Variants in GRIK3 observed in about 807,000 individuals in gnomAD.
GRIK3 encodes glutamate ionotropic receptor kainate type subunit 3.
GRIK3 carries 29 observed loss-of-function variants against 102.5 expected under a neutral mutation model. The observed-to-expected ratio is 0.28, with a 90% CI of 0.21 to 0.39. GRIK3 has a LOEUF of 0.39. Ranked by LOEUF, GRIK3 falls within the 10% of genes least tolerant of loss-of-function variation. The pLI, the probability that GRIK3 is intolerant of heterozygous loss-of-function variation, is 1.00. For missense variants in GRIK3, 908 were observed against 1,252.4 expected (o/e 0.73, Z 4.15); for synonymous variants, 511 against 504.9 (o/e 1.01, Z -0.16).
chr1:36,961,341 T>C (rs1213868446), intron 1 of GRIK3, among the ~76,000 whole-genome samples: 1 of 152,124 alleles, frequency 6.6e-6, no homozygotes. Context: ...AAGTCTGAAA[T>C]AGCCCACCAC....
At chr1:36,981,592 C>A (rs1423025073) in intron 1 of GRIK3, among the ~76,000 whole-genome samples, 1 of 151,394 alleles carries the variant, frequency 6.6e-6, no homozygotes, top group Non-Finnish European at 1.5e-5. Context: ...CTGTAAGTGA[C>A]AAACTAGGGA....
At chr1:36,911,336 C>G (rs1183135225) in intron 1 of GRIK3, among the ~76,000 whole-genome samples, 1 of 152,172 alleles carries the variant, frequency 6.6e-6, no homozygotes, top group Non-Finnish European at 1.5e-5. Flanking sequence ...AGTCCCTTTA[C>G]TGCTCTGTGT....
intron 1 of GRIK3, among the ~76,000 whole-genome samples, chr1:37,026,900 T>C (rs1351882529): frequency 6.6e-6 from 1 of 151,134 alleles, no homozygotes; most frequent in South Asian, 2.1e-4. Context: ...GATATGAAAA[T>C]GTGAAAAAAA....
At chr1:36,816,574 G>A (rs1642633937) in intron 13 of GRIK3, among the ~76,000 whole-genome samples, 1 of 152,226 alleles carries the variant, frequency 6.6e-6, no homozygotes, top group Admixed American at 6.5e-5. Flanking sequence ...AGTGTAACAT[G>A]CTCAGTAATG....
chr1:36,897,736 T>C (rs1385434046), intron 1 of GRIK3, among the ~76,000 whole-genome samples: 1 of 152,016 alleles, frequency 6.6e-6, no homozygotes, highest in African/African-American at 2.4e-5. Context: ...AGTTTGGAGG[T>C]TCCTCAAAAA....
In GRIK3 at chr1:36,880,650, G is replaced by A. The variant is rs780128090; in HGVS notation, c.534C>T (p.Val178=). The A allele has an allele frequency of 3.7e-6, 6 of 1,614,010 alleles. No individual in the cohort carries two copies. Among genetic ancestry groups the A allele is most frequent in the Non-Finnish European group, 5.1e-6 (6 of 1,180,000 alleles). ...QYLKWRSATV[V]YDDSTGLIRL... The stretch of plus-strand genomic sequence containing the variant: ...GCCACCCACCTGTACTGTCGTCATA[G>A]ACCACGGTGGCTGACCGCCACTTGA... The change falls in exon 3 of 16, where the codon GTC becomes GTT. Residue 178 remains valine, a synonymous_variant. Transcript: ENST00000373091. The surrounding 1 kb of genome is among the most constrained non-coding windows in gnomAD (Gnocchi z 5.4).
At chr1:36,962,577 G>C (rs1207521915) in intron 1 of GRIK3, among the ~76,000 whole-genome samples, 1 of 151,738 alleles carries the variant, frequency 6.6e-6, no homozygotes. Flanking sequence ...TGGGGCCTGA[G>C]GCGAGCAAGC....
intron 1 of GRIK3, among the ~76,000 whole-genome samples, chr1:37,017,115 C>A (rs1029855796): frequency 4.6e-5 from 7 of 151,276 alleles, no homozygotes; most frequent in Non-Finnish European, 1.0e-4. Flanking sequence ...CTTGGGACAG[C>A]TGAGGGGGGA....
chr1:37,020,668 C>T (rs1188941328), intron 1 of GRIK3, among the ~76,000 whole-genome samples: 1 of 152,118 alleles, frequency 6.6e-6, no homozygotes, highest in East Asian at 1.9e-4. Context: ...CATCTATTAC[C>T]TTGATTTTCT....
intron 1 of GRIK3, among the ~76,000 whole-genome samples, chr1:37,013,183 C>T (rs184900068): frequency 3.7e-4 from 57 of 152,232 alleles, no homozygotes; most frequent in African/African-American, 1.3e-3. Flanking sequence ...TCTCGTGAGA[C>T]GTATTTACTA....
chr1:36,958,640 G>GCC (rs1641957155), intron 1 of GRIK3, among the ~76,000 whole-genome samples: 1 of 91,498 alleles, frequency 1.1e-5, no homozygotes, highest in Non-Finnish European at 2.5e-5. Flanking sequence ...CCCTGTGACT[G>GCC]TGTGCCCAAT....
chr1:36,853,786 G>A (rs754875118), intron 7 of GRIK3, 64 bp from the exon 8 acceptor site: 43 of 875,492 alleles, frequency 4.9e-5, no homozygotes, highest in Non-Finnish European at 8.3e-5. Flanking sequence ...CGGTACAACT[G>A]TACAATGCTT....
At chr1:36,948,743 A>C (rs897816467) in intron 1 of GRIK3, among the ~76,000 whole-genome samples, 1 of 152,172 alleles carries the variant, frequency 6.6e-6, no homozygotes, top group Admixed American at 6.5e-5. Flanking sequence ...GCCTTCCAAC[A>C]GCTTGTCAAT....
intron 1 of GRIK3, among the ~76,000 whole-genome samples, chr1:36,961,465 C>T (rs150399879): frequency 6.6e-6 from 1 of 152,308 alleles, no homozygotes; most frequent in East Asian, 1.9e-4. Flanking sequence ...GGGGCAGAGA[C>T]AAAGAAAGCA....
At chr1:36,843,956 G>A (rs1640490786) in intron 9 of GRIK3, among the ~76,000 whole-genome samples, 1 of 152,220 alleles carries the variant, frequency 6.6e-6, no homozygotes, top group Admixed American at 6.5e-5. Flanking sequence ...GACCTCATGA[G>A]CCCCAGGGTG....
At chr1:36,957,892 GTGTGCCCTGTGAGTC>G (rs1470724125) in intron 1 of GRIK3, among the ~76,000 whole-genome samples, 2 of 78,230 alleles carry the variant, frequency 2.6e-5, no homozygotes, top group Non-Finnish European at 4.5e-5. Context: ...CCCTGAGTCT[GTGTGCCCTGTGAGTC>G]TGTGCCCCGT....
At chr1:36,823,008 G>A (rs901172994) in intron 11 of GRIK3, among the ~76,000 whole-genome samples, 12 of 152,154 alleles carry the variant, frequency 7.9e-5, no homozygotes, top group Admixed American at 5.2e-4. Context: ...ATGCCAACCT[G>A]GAGTTGCCCC....
At chr1:36,832,752 G>A (rs1640321044) in intron 10 of GRIK3, among the ~76,000 whole-genome samples, 1 of 152,210 alleles carries the variant, frequency 6.6e-6, no homozygotes, top group Non-Finnish European at 1.5e-5. Flanking sequence ...CTGCTTCATA[G>A]ACCCCATAGG....
At chr1:36,923,288 G>A (rs565791938) in intron 1 of GRIK3, among the ~76,000 whole-genome samples, 4 of 152,234 alleles carry the variant, frequency 2.6e-5, no homozygotes, top group South Asian at 4.1e-4. Flanking sequence ...GGAAAGGTTC[G>A]CTCTCTTCAG....
Sources: gnomAD v4.1 joint callset for allele counts (sites outside exome capture counted in the v4.1 genomes callset) on GRCh38, gnomAD v4.1.1 for gene constraint, Gnocchi (gnomAD v3.1) non-coding constraint, MANE v1.5 for transcripts, NCBI Gene and HGNC (gene_info 2026-07-23, HGNC 2026-07-21) for gene names.